Variants in AUTS2 observed in about 807,000 individuals in gnomAD.
AUTS2 encodes the protein autism susceptibility gene 2 protein.
AUTS2 carries 17 observed loss-of-function variants against 112.4 expected under a neutral mutation model. That is an observed-to-expected ratio of 0.15 (90% CI 0.10 to 0.23). AUTS2 has a LOEUF of 0.23. AUTS2 is among the 10% of genes least tolerant of loss of function. AUTS2 has a pLI of 1.00. For missense variants in AUTS2, 1,510 were observed against 1,701.6 expected (o/e 0.89, Z 1.98); for synonymous variants, 751 against 702.7 (o/e 1.07, Z -1.09).
chr7:70,184,843 T>C (rs1809515104), intron 4 of AUTS2, among the ~76,000 whole-genome samples: 1 of 152,166 alleles, frequency 6.6e-6, no homozygotes, highest in South Asian at 2.1e-4. Flanking sequence ...AATTTCTTTT[T>C]TGTGGTTGAG....
At chr7:70,269,519 C>T (rs1193681285) in intron 4 of AUTS2, among the ~76,000 whole-genome samples, 1 of 152,166 alleles carries the variant, frequency 6.6e-6, no homozygotes, top group African/African-American at 2.4e-5. Context: ...AAGTCTGGTG[C>T]TGACACCTGC....
chr7:70,355,685 C>T (rs759360416), intron 4 of AUTS2, among the ~76,000 whole-genome samples: 9 of 152,128 alleles, frequency 5.9e-5, no homozygotes, highest in Non-Finnish European at 1.2e-4. Context: ...TGCCCTCCAC[C>T]GGGGATCTTT....
chr7:69,752,860 G>A (rs569929691), intron 1 of AUTS2, among the ~76,000 whole-genome samples: 1 of 152,264 alleles, frequency 6.6e-6, no homozygotes, highest in African/African-American at 2.4e-5. Flanking sequence ...ATGAAGCTGG[G>A]TGTTTTGGAT....
intron 5 of AUTS2, among the ~76,000 whole-genome samples, chr7:70,532,237 A>G (rs1161313716): frequency 2.0e-5 from 3 of 152,138 alleles, no homozygotes; most frequent in African/African-American, 7.2e-5. Flanking sequence ...AAGTCACAAA[A>G]CTGGCCCAGA....
intron 2 of AUTS2, among the ~76,000 whole-genome samples, chr7:69,959,918 G>A (rs1385344140): frequency 3.9e-5 from 6 of 152,094 alleles, no homozygotes; most frequent in African/African-American, 7.2e-5. Flanking sequence ...GTCTGAGTCC[G>A]AGTCTGTCTT....
intron 5 of AUTS2, among the ~76,000 whole-genome samples, chr7:70,696,925 G>C (rs1809145310): frequency 1.3e-5 from 2 of 151,964 alleles, no homozygotes. Context: ...AATTTAACAT[G>C]AATTTACATT....
intron 4 of AUTS2, among the ~76,000 whole-genome samples, chr7:70,268,538 G>A (rs1324406693): frequency 6.6e-6 from 1 of 152,130 alleles, no homozygotes; most frequent in Non-Finnish European, 1.5e-5. Flanking sequence ...GTAGGATGGG[G>A]TTTCTGGGTT....
chr7:70,738,205 G>A (rs1787879968), intron 6 of AUTS2, among the ~76,000 whole-genome samples: 2 of 152,058 alleles, frequency 1.3e-5, no homozygotes, highest in African/African-American at 4.8e-5. Flanking sequence ...CAAAAATGCT[G>A]GGAGTGGCAG....
chr7:70,171,657 T>C (rs1231437611), intron 4 of AUTS2, among the ~76,000 whole-genome samples: 3 of 152,168 alleles, frequency 2.0e-5, no homozygotes, highest in East Asian at 1.9e-4. Context: ...GAGAATGAAA[T>C]TGCCAACAGT....
chr7:69,671,517 G>GTGTGTC (rs1796327034), intron 1 of AUTS2, among the ~76,000 whole-genome samples: 1 of 143,566 alleles, frequency 7.0e-6, no homozygotes, highest in Non-Finnish European at 1.5e-5. Context: ...GTGTGTGTGT[G>GTGTGTC]TGTGTGTCTG....
intron 4 of AUTS2, among the ~76,000 whole-genome samples, chr7:70,222,467 T>C (rs1218612635): frequency 6.6e-6 from 1 of 152,230 alleles, no homozygotes; most frequent in Admixed American, 6.5e-5. Flanking sequence ...AGGACTATTT[T>C]TTAACATCTA....
intron 2 of AUTS2, among the ~76,000 whole-genome samples, chr7:70,033,130 T>C (rs1800855101): frequency 6.6e-6 from 1 of 152,182 alleles, no homozygotes; most frequent in Non-Finnish European, 1.5e-5. Flanking sequence ...GTTGCACAAC[T>C]ATCTGAATAT....
intron 1 of AUTS2, among the ~76,000 whole-genome samples, chr7:69,622,879 T>C (rs1248179347): frequency 6.6e-6 from 1 of 152,228 alleles, no homozygotes; most frequent in Admixed American, 6.5e-5. Context: ...AAAGGAATCC[T>C]CCCACCTCAG....
At chr7:70,716,269 C>T (rs978705240) in intron 6 of AUTS2, among the ~76,000 whole-genome samples, 1 of 152,174 alleles carries the variant, frequency 6.6e-6, no homozygotes, top group African/African-American at 2.4e-5. Flanking sequence ...ATCTCCTGTT[C>T]TTTGCCCTTT....
chr7:69,795,363 T>A (rs1263147094), intron 1 of AUTS2, among the ~76,000 whole-genome samples: 1 of 152,150 alleles, frequency 6.6e-6, no homozygotes, highest in Non-Finnish European at 1.5e-5. Context: ...GTTTTGGTCT[T>A]GGTAAGAGTT....
intron 2 of AUTS2, among the ~76,000 whole-genome samples, chr7:69,989,736 G>A (rs923452890): frequency 3.9e-5 from 6 of 152,164 alleles, no homozygotes; most frequent in East Asian, 1.9e-4. Flanking sequence ...GGGACCCCCC[G>A]CCCCGGGCCA....
intron 4 of AUTS2, among the ~76,000 whole-genome samples, chr7:70,300,332 G>A (rs1463099942): frequency 6.6e-6 from 1 of 152,166 alleles, no homozygotes; most frequent in African/African-American, 2.4e-5. Context: ...CCTGAGCCAC[G>A]TGCGGGCTGC....
At chr7:69,868,334 C>T (rs1294581205) in intron 1 of AUTS2, among the ~76,000 whole-genome samples, 1 of 152,140 alleles carries the variant, frequency 6.6e-6, no homozygotes, top group Non-Finnish European at 1.5e-5. Flanking sequence ...ATATCACAAG[C>T]ACCTGTGTCA....
chr7:70,735,191 A>G (rs886940000), intron 6 of AUTS2, among the ~76,000 whole-genome samples: 28 of 152,206 alleles, frequency 1.8e-4, no homozygotes, highest in African/African-American at 6.3e-4. Flanking sequence ...AACCTTACCA[A>G]AGGAGAGCTG....
Sources: gnomAD v4.1 joint callset for allele counts (sites outside exome capture counted in the v4.1 genomes callset) on GRCh38, gnomAD v4.1.1 for gene constraint, MANE v1.5 for transcripts, NCBI Gene and HGNC (gene_info 2026-07-23, HGNC 2026-07-21) for gene names.